Variants in NPNT observed in about 807,000 individuals in gnomAD.
The protein encoded by NPNT is nephronectin.
A neutral mutation model predicts 68.6 loss-of-function variants in NPNT; 45 were observed. The observed-to-expected ratio is 0.66, with a 90% CI of 0.52 to 0.84. The LOEUF (loss-of-function observed/expected upper bound fraction) is 0.84, where lower values mean the gene tolerates loss of function less well. Ranked by LOEUF, NPNT falls within the 40% of genes least tolerant of loss-of-function variation. The pLI is 0.00. For synonymous variants in NPNT, 233 were observed against 253.3 expected, an observed-to-expected ratio of 0.92 and a Z score of 0.76; for missense variants, 672 against 714.8, an observed-to-expected ratio of 0.94 and a Z score of 0.68.
chr4:105,958,085 G>A (rs1279453668), intron 8 of NPNT, among the ~76,000 whole-genome samples: 1 of 152,108 alleles, frequency 6.6e-6, no homozygotes, highest in Non-Finnish European at 1.5e-5. Context: ...GGTATTTTCA[G>A]TTAAAACAAC....
chr4:105,930,586 C>G (rs1729036231), intron 3 of NPNT, among the ~76,000 whole-genome samples: 1 of 152,174 alleles, frequency 6.6e-6, no homozygotes, highest in Non-Finnish European at 1.5e-5. Flanking sequence ...TAAGGGAAAT[C>G]AAACAGGCTC....
chr4:105,944,110 T>C (rs1017051807), intron 8 of NPNT, among the ~76,000 whole-genome samples: 21 of 152,226 alleles, frequency 1.4e-4, no homozygotes, highest in African/African-American at 4.6e-4. Context: ...AATTCTGATA[T>C]AGTCATGTAT....
At position 105,971,347 on chromosome 4, in the gene NPNT, A is replaced by C. The variant is rs1473716690; in HGVS notation, c.*2357A>C. On this transcript the variant is annotated 3_prime_UTR_variant, in exon 12 of 12. Coordinates refer to ENST00000379987, the MANE Select transcript of NPNT (RefSeq NM_001033047.3). ...ACAATAGAAGGTCTTCTGTCATTTAACCTGGTAAAGGCAGGGCTGGAGGGG... is the reference window on the plus strand; with the variant it reads ...ACAATAGAAGGTCTTCTGTCATTTACCCTGGTAAAGGCAGGGCTGGAGGGG... 7.3e-6 allele frequency: 2 copies of C among 273,084 alleles called. No homozygotes were observed. Among genetic ancestry groups the C allele is most frequent in the African/African-American group, 4.4e-5 (2 of 45,884 alleles). 16.9% of individuals were successfully genotyped at this position (273,084 alleles called of 1,614,324 possible). A position where few individuals can be genotyped will look rare whatever the true frequency, so the allele number is the denominator to read the frequency against.
Position 105,970,668 on chromosome 4 carries a change from C to A in NPNT, c.*1678C>A. Reference sequence around the variant, plus strand: ...AAAAGAAGTGTGAAAATCTCAGTATCTCTCTCTCTTTCTAAAAAATTAGAT... The same window carrying A: ...AAAAGAAGTGTGAAAATCTCAGTATATCTCTCTCTTTCTAAAAAATTAGAT... On this transcript the variant is annotated 3_prime_UTR_variant, in exon 12 of 12. Coordinates refer to ENST00000379987, the MANE Select transcript of NPNT (RefSeq NM_001033047.3). The A allele has an allele frequency of 1.8e-6, 1 of 550,628 alleles. No individual in the cohort carries two copies. The allele number at this position is 550,628 out of a possible 1,614,324, so 34.1% of individuals were successfully genotyped here. A position where few individuals can be genotyped will look rare whatever the true frequency, so the allele number is the denominator to read the frequency against.
intron 2 of NPNT, among the ~76,000 whole-genome samples, chr4:105,923,116 A>G (rs1429816102): frequency 6.6e-6 from 1 of 152,116 alleles, no homozygotes; most frequent in Non-Finnish European, 1.5e-5. Flanking sequence ...TTTTTTTGAT[A>G]AGGAAGGGAT....
At chr4:105,898,659 C>T (rs1726156400) in intron 2 of NPNT, among the ~76,000 whole-genome samples, 1 of 152,052 alleles carries the variant, frequency 6.6e-6, no homozygotes, top group African/African-American at 2.4e-5. Flanking sequence ...TATAAGTAAC[C>T]AACCTCATGT....
chr4:105,958,134 A>G (rs997877177), intron 8 of NPNT, among the ~76,000 whole-genome samples: 1 of 152,152 alleles, frequency 6.6e-6, no homozygotes, highest in African/African-American at 2.4e-5. Flanking sequence ...TTTCGTAGAG[A>G]TGAACTTTAG....
chr4:105,944,405 A>G (rs6857507), intron 8 of NPNT, among the ~76,000 whole-genome samples: 250 of 152,302 alleles, frequency 1.6e-3, no homozygotes, highest in African/African-American at 5.7e-3. Context: ...ATTTAATGTA[A>G]GATGATACGC....
At chr4:105,932,889 A>T (rs1578633328) in intron 3 of NPNT, among the ~76,000 whole-genome samples, 1 of 152,178 alleles carries the variant, frequency 6.6e-6, no homozygotes, top group Non-Finnish European at 1.5e-5. Flanking sequence ...ATGGAGCCCT[A>T]CTGTCCTTTT....
At chr4:105,956,903 G>C (rs948278882) in intron 8 of NPNT, among the ~76,000 whole-genome samples, 4 of 152,024 alleles carry the variant, frequency 2.6e-5, no homozygotes, top group Non-Finnish European at 4.4e-5. Context: ...CTGTTTTAAC[G>C]TTTGAAACAA....
rs574682952 is a variant in NPNT at position 105,940,202 on chromosome 4, A to G, written c.633A>G (p.Gln211=). Residue 211 remains glutamine, a synonymous_variant, in exon 6 of 12, where the codon CAA becomes CAG. Coordinates refer to ENST00000379987, the MANE Select transcript of NPNT (RefSeq NM_001033047.3). ...TCATGTATATTGGAGGCAAATATCA[A>G]TGTCATGGTAATGAAACCCAACCAT... ...FDLMYIGGKY[Q]CHDIDECSLG... is the part of the protein sequence containing the mutation. 3 of 1,613,472 alleles carry G rather than the reference A, an allele frequency of 1.9e-6. No homozygotes were observed. The highest frequency in any genetic ancestry group is 1.3e-5 in the African/African-American group (1 of 75,042).
At chr4:105,959,624 G>T (rs534668331) in intron 10 of NPNT, among the ~76,000 whole-genome samples, 5 of 150,934 alleles carry the variant, frequency 3.3e-5, no homozygotes, top group Non-Finnish European at 7.4e-5. Context: ...TCTAACTTGG[G>T]TGCTGAAGGA....
chr4:105,942,724 A>G (rs752876492), intron 8 of NPNT, 22 bp downstream of exon 8: 1 of 1,571,826 alleles, frequency 6.4e-7, no homozygotes, highest in African/African-American at 1.4e-5. Context: ...AAATGTTAGC[A>G]CATTTTCAAT....
At chr4:105,925,923 C>T (rs1486316980) in intron 2 of NPNT, among the ~76,000 whole-genome samples, 1 of 152,150 alleles carries the variant, frequency 6.6e-6, no homozygotes, top group African/African-American at 2.4e-5. Context: ...TTCCCATTTC[C>T]TAGAGCTAAA....
At chr4:105,951,963 A>T (rs780392862) in intron 8 of NPNT, among the ~76,000 whole-genome samples, 1 of 152,194 alleles carries the variant, frequency 6.6e-6, no homozygotes, top group Admixed American at 6.5e-5. Context: ...TAAGTCAGGG[A>T]TAGTAATAGT....
intron 2 of NPNT, among the ~76,000 whole-genome samples, chr4:105,900,297 T>C (rs539933810): frequency 6.5e-4 from 99 of 152,332 alleles, no homozygotes; most frequent in African/African-American, 2.3e-3. Context: ...CATTACTGCA[T>C]AGATCTTCCC....
chr4:105,916,976 C>T (rs191300590), intron 2 of NPNT, among the ~76,000 whole-genome samples: 1 of 148,604 alleles, frequency 6.7e-6, no homozygotes, highest in African/African-American at 2.6e-5. Context: ...ATATTTGTCT[C>T]CCTACCTTAT....
At chr4:105,957,467 T>C (rs1731331150) in intron 8 of NPNT, among the ~76,000 whole-genome samples, 1 of 152,164 alleles carries the variant, frequency 6.6e-6, no homozygotes, top group African/African-American at 2.4e-5. Context: ...TTATGCTTTG[T>C]CCCACTTGTG....
chr4:105,968,810 G>A, intron 11 of NPNT, 85 bp from the exon 12 acceptor site: 1 of 713,646 alleles, frequency 1.4e-6, no homozygotes, highest in Non-Finnish European at 2.4e-6. Context: ...TGGTTTGGGG[G>A]AAGGTTTGCC....
Sources: allele counts gnomAD v4.1 joint callset (sites outside exome capture counted in the v4.1 genomes callset), GRCh38; gene constraint gnomAD v4.1.1; transcripts MANE v1.5; gene names NCBI Gene and HGNC (gene_info 2026-07-23, HGNC 2026-07-21).